PWWP2B: variants seen among roughly 807,000 people sequenced by gnomAD.
PWWP2B encodes PWWP domain containing 2B.
A neutral mutation model predicts 15.5 loss-of-function variants in PWWP2B; 9 were observed. The ratio of observed to expected loss-of-function variants is 0.58; its 90% CI spans 0.35 to 1.02. The LOEUF (loss-of-function observed/expected upper bound fraction) is 1.02. Ranked by LOEUF, PWWP2B falls within the 50% of genes least tolerant of loss-of-function variation. PWWP2B has a pLI of 0.02. For missense variants in PWWP2B, 864 were observed against 865.3 expected (o/e 1.00, Z 0.02); for synonymous variants, 474 against 403.6 (o/e 1.17, Z -2.09).
rs1482415195 is a variant in PWWP2B at position 132,417,154 on chromosome 10, A to G, written c.*110A>G. The G allele has an allele frequency of 6.5e-6, 10 of 1,548,068 alleles. No individual in the cohort carries two copies. The highest frequency in any genetic ancestry group is 1.1e-5 in the South Asian group (1 of 89,710). On this transcript the variant is annotated 3_prime_UTR_variant, in exon 3 of 3. Coordinates refer to ENST00000305233, the MANE Select transcript of PWWP2B (RefSeq NM_138499.4). ...TTCTGGCCGGCTGCGTGCAGAGCCC[A>G]CTGGGCACGGTGGTCGGCCTGGTGT...
intron 2 of PWWP2B, among the ~76,000 whole-genome samples, chr10:132,413,289 C>T (rs1374840887): frequency 6.6e-6 from 1 of 152,196 alleles, no homozygotes; most frequent in Non-Finnish European, 1.5e-5. Context: ...AACATAATGT[C>T]ACATATTACT....
At chr10:132,403,989 CCG>C (rs2069645574) in intron 1 of PWWP2B, among the ~76,000 whole-genome samples, 1 of 94,790 alleles carries the variant, frequency 1.1e-5, no homozygotes, top group Non-Finnish European at 2.9e-5. Context: ...AACCCTGCTC[CCG>C]TAGGACGGCA....
chr10:132,416,806 G>A (rs1393210107), intron 2 of PWWP2B, among the ~76,000 whole-genome samples: 1 of 152,144 alleles, frequency 6.6e-6, no homozygotes, highest in Non-Finnish European at 1.5e-5. Context: ...GGCCCTGCGT[G>A]TAGGGCCTGT....
At position 132,404,973 on chromosome 10, in the gene PWWP2B, A is replaced by T; in HGVS notation, c.473A>T (p.Asn158Ile). 4 of 1,581,590 alleles carry T rather than the reference A, an allele frequency of 2.5e-6. No homozygotes were observed. The highest frequency in any genetic ancestry group is 3.4e-6 in the Non-Finnish European group (4 of 1,171,482). The part of the protein sequence containing the change: ...IKRTRRRLSR[N>I]RDPGRLILST... ...CGCACGCGGCGGCGTCTGTCCCGCA[A>T]CCGCGACCCGGGGCGCCTCATCCTC... Residue 158 changes from asparagine to isoleucine, a missense_variant, in exon 2 of 3, where the codon AAC becomes ATC. Physicochemically the swap from Asn to Ile is moderately radical, Grantham distance 149 (BLOSUM62 -3). This residue lies in a region of PWWP2B where 736 missense variants were observed against 687.7 expected (regional missense o/e 1.07). Transcript: ENST00000305233.
At chr10:132,415,621 TCA>T (rs1004649139) in intron 2 of PWWP2B, among the ~76,000 whole-genome samples, 15 of 129,878 alleles carry the variant, frequency 1.2e-4, no homozygotes, top group African/African-American at 2.5e-4. Context: ...ACACATCCAA[TCA>T]CACATCCACT....
chr10:132,406,368 GC>G, intron 2 of PWWP2B, 79 bp downstream of exon 2: 1 of 1,263,700 alleles, frequency 7.9e-7, no homozygotes, highest in Non-Finnish European at 1.1e-6. Context: ...TCTGCTCCGG[GC>G]CCTGAGGCCC....
rs372782651 is a variant in PWWP2B, at chr10:132,411,685, C to T, written c.*17-5376C>T. Among the ~76,000 whole-genome samples, 55 of 152,360 alleles carry T rather than the reference C, an allele frequency of 3.6e-4. No homozygotes were observed. In the East Asian group the frequency reaches 6.4e-3, roughly 18 times the overall value. ...TAAAGATAATAATCAGGAAGCTGCCCGGCACTGGAGTGCTGAGTCGGCAGG... is the reference window on the plus strand; with the variant it reads ...TAAAGATAATAATCAGGAAGCTGCCTGGCACTGGAGTGCTGAGTCGGCAGG... On this transcript the variant is annotated intron_variant, in intron 2 of 2. Transcript: ENST00000305233.
chr10:132,416,983 G>A (rs2069866825), intron 2 of PWWP2B, 78 bp from the exon 3 acceptor site: 7 of 1,543,918 alleles, frequency 4.5e-6, no homozygotes, highest in African/African-American at 1.4e-5. Context: ...ACCCTGACCT[G>A]CTGCTCAGAC....
chr10:132,404,812 C>T lies in PWWP2B; in HGVS notation c.312C>T (p.Pro104=), dbSNP rs748389042. ...CCACCCGCCCCGAGCCACCCCCGCC[C>T]CTCGTGCCGCCGCTGCCCGCCGGAA... ...PETTRPEPPP[P]LVPPLPAGSL... Residue 104 remains proline, a synonymous_variant, in exon 2 of 3, where the codon CCC becomes CCT. Coordinates refer to ENST00000305233, the MANE Select transcript of PWWP2B (RefSeq NM_138499.4). 1.3e-6 allele frequency: 2 copies of T among 1,552,036 alleles called. No homozygotes were observed. Among genetic ancestry groups the T allele is most frequent in the Admixed American group, 3.5e-5 (2 of 56,922 alleles).
In PWWP2B at chr10:132,405,003, C is replaced by A. The variant is rs1179873797; in HGVS notation, c.503C>A (p.Thr168Asn). 6.4e-7 allele frequency: 1 copy of A among 1,553,364 alleles called. No individual in the cohort carries two copies. Residue 168 changes from threonine to asparagine, a missense_variant, in exon 2 of 3, where the codon ACC (threonine) becomes AAC (asparagine). By Grantham distance (65) the Thr-to-Asn change is moderately conservative. Around this residue, in one of 2 missense-constraint regions of PWWP2B, gnomAD observed 736 missense variants for 687.7 expected, o/e 1.07. Coordinates refer to ENST00000305233, the MANE Select transcript of PWWP2B (RefSeq NM_138499.4). Reference sequence around the variant, plus strand: ...GACCCGGGGCGCCTCATCCTCAGCACCATCCGCCTGCGGCCGCGCCAGGTG... The same window carrying A: ...GACCCGGGGCGCCTCATCCTCAGCAACATCCGCCTGCGGCCGCGCCAGGTG... ...NRDPGRLILS[T>N]IRLRPRQVLC...
rs767723719 is a variant in PWWP2B at position 132,405,175 on chromosome 10, T to C, written c.675T>C (p.Ala225=). 1.3e-6 allele frequency: 2 copies of C among 1,555,246 alleles called. No homozygotes were observed. The highest frequency in any genetic ancestry group is 2.7e-5 in the African/African-American group (2 of 73,296). ...PEEPENGEPT[A]AATARRSKRE... ...AGCCGGAGAACGGCGAGCCCACGGC[T>C]GCGGCCACCGCCAGGAGGAGCAAGA... Residue 225 remains alanine (A), a synonymous_variant, in exon 2 of 3, where the codon GCT becomes GCC. Transcript: ENST00000305233.
chr10:132,399,690 C>A (rs1310252896), intron 1 of PWWP2B, among the ~76,000 whole-genome samples: 5 of 152,274 alleles, frequency 3.3e-5, no homozygotes, highest in South Asian at 4.1e-4. Context: ...GATCTTCCCC[C>A]AGTCTGGGCC....
At position 132,417,255 on chromosome 10, in the gene PWWP2B, T is replaced by C. The variant is rs1278866590; in HGVS notation, c.*211T>C. The C allele has an allele frequency of 1.2e-5, 8 of 682,110 alleles. No homozygotes were observed. The highest frequency in any genetic ancestry group is 2.1e-5 in the Non-Finnish European group (8 of 386,928). The allele number at this position is 682,110 out of a possible 1,614,324, so 42.3% of individuals were successfully genotyped here. A position where few individuals can be genotyped will look rare whatever the true frequency, so the allele number is the denominator to read the frequency against. The stretch of plus-strand genomic sequence containing the variant: ...CCAGCGGCTCCTCCCGCTGAGTGTA[T>C]TTCTTCCCACCACTCAGCGCATGGC... On this transcript the variant is annotated 3_prime_UTR_variant, in exon 3 of 3. Coordinates refer to ENST00000305233, the MANE Select transcript of PWWP2B (RefSeq NM_138499.4).
chr10:132,416,172 C>T (rs2069852821), intron 2 of PWWP2B, among the ~76,000 whole-genome samples: 2 of 152,238 alleles, frequency 1.3e-5, no homozygotes, highest in South Asian at 4.1e-4. Context: ...CTCGGCGGGG[C>T]TGCGACAGGG....
chr10:132,400,528 G>A (rs1021676544), intron 1 of PWWP2B, among the ~76,000 whole-genome samples: 4 of 152,278 alleles, frequency 2.6e-5, no homozygotes, highest in East Asian at 1.9e-4. Context: ...TGGAGGAGGC[G>A]CTCCCCTGGT....
chr10:132,409,586 C>T (rs2069750305), intron 2 of PWWP2B, among the ~76,000 whole-genome samples: 1 of 152,154 alleles, frequency 6.6e-6, no homozygotes, highest in Non-Finnish European at 1.5e-5. Flanking sequence ...CTGCCCCTGT[C>T]CAGGCTCAAG....
In PWWP2B at chr10:132,405,487, G is replaced by T. The variant is rs372385259; in HGVS notation, c.987G>T (p.Pro329=). The change falls in exon 2 of 3, where the codon CCG becomes CCT. Residue 329 remains proline, a synonymous_variant. Transcript: ENST00000305233. Reference sequence around the variant, plus strand: ...CTGTGCCGGCCGGCGCGGACCTGCCGCCCCCTAAGATCCGCCTGAAGCCCC... The same window carrying T: ...CTGTGCCGGCCGGCGCGGACCTGCCTCCCCCTAAGATCCGCCTGAAGCCCC... The part of the protein sequence containing the change: ...TRPVPAGADL[P]PPKIRLKPHR... The T allele has an allele frequency of 1.6e-5, 26 of 1,604,164 alleles. No individual in the cohort carries two copies. Among genetic ancestry groups the T allele is most frequent in the Non-Finnish European group, 2.0e-5 (23 of 1,179,384 alleles).
At chr10:132,401,266 G>A (rs558880178) in intron 1 of PWWP2B, among the ~76,000 whole-genome samples, 5 of 152,352 alleles carry the variant, frequency 3.3e-5, no homozygotes, top group East Asian at 1.9e-4. Context: ...ACTCCAGGGC[G>A]TCTCACCCCT....
Position 132,405,582 on chromosome 10 carries a change from T to C in PWWP2B, c.1082T>C (p.Leu361Pro), listed in dbSNP as rs747400577. ...CTGGTGGGGGAGCTGAACGGGTACC[T>C]GCGGGACAGCTCGCCGGCGCCCTGT... ...AELVGELNGY[L>P]RDSSPAPCAD... Residue 361 changes from leucine to proline, a missense_variant, in exon 2 of 3, where the codon CTG becomes CCG. Leu to Pro is a moderately conservative substitution (Grantham distance 98). This residue lies in a region of PWWP2B where 736 missense variants were observed against 687.7 expected (regional missense o/e 1.07). Transcript: ENST00000305233. 9 of 1,609,412 alleles carry C rather than the reference T, an allele frequency of 5.6e-6. No individual in the cohort carries two copies. The highest frequency in any genetic ancestry group is 6.8e-6 in the Non-Finnish European group (8 of 1,179,584).
Sources: gnomAD v4.1 joint callset for allele counts (sites outside exome capture counted in the v4.1 genomes callset) on GRCh38, gnomAD v4.1.1 for gene constraint, gnomAD v4.1.1 regional missense constraint, MANE v1.5 for transcripts, NCBI Gene and HGNC (gene_info 2026-07-23, HGNC 2026-07-21) for gene names.